DNAJC3: variants seen among roughly 807,000 people sequenced by gnomAD.
The protein encoded by DNAJC3 is DnaJ heat shock protein family (Hsp40) member C3, also known as dnaJ homolog subfamily C member 3.
Under a neutral mutation model 68.6 loss-of-function variants are expected in DNAJC3, and 38 were observed. That is an observed-to-expected ratio of 0.55 (90% CI 0.43 to 0.73). DNAJC3 has a LOEUF of 0.73. DNAJC3 is among the 30% of genes least tolerant of loss of function. The pLI is 0.00. For missense variants in DNAJC3, 526 were observed against 591.9 expected, an observed-to-expected ratio of 0.89 and a Z score of 1.16; for synonymous variants, 203 against 204.0, an observed-to-expected ratio of 1.00 and a Z score of 0.04.
intron 7 of DNAJC3, 31 bp from the exon 8 acceptor site, chr13:95,763,612 C>A (rs189084107): frequency 2.0e-5 from 32 of 1,599,984 alleles, no homozygotes; most frequent in South Asian, 4.4e-5. Flanking sequence ...CAAATGTCAT[C>A]ATTTCTTATC....
intron 4 of DNAJC3, among the ~76,000 whole-genome samples, chr13:95,739,557 G>A (rs9561945): frequency 0.068 from 10,309 of 151,406 alleles, 479 homozygotes; most frequent in East Asian, 0.18. Context: ...TTCCCTTCTC[G>A]CTTCATTTCA....
At chr13:95,763,458 TA>T (rs770559746) in intron 7 of DNAJC3, among the ~76,000 whole-genome samples, 184 bp from the exon 8 acceptor site, 34 of 152,344 alleles carry the variant, frequency 2.2e-4, no homozygotes, top group Middle Eastern at 3.4e-3. Context: ...TTTTATTTCC[TA>T]ACTCTTAATT....
At chr13:95,735,300 T>G in intron 4 of DNAJC3, among the ~76,000 whole-genome samples, 4 of 114,118 alleles carry the variant, frequency 3.5e-5, no homozygotes, top group South Asian at 3.6e-4. Context: ...TGTGTCTTTA[T>G]AGCAGCATGA....
chr13:95,767,852 GCTTTTTTTTTT>G (rs1372381008), intron 9 of DNAJC3, among the ~76,000 whole-genome samples: 381 of 151,058 alleles, frequency 2.5e-3, no homozygotes, highest in African/African-American at 8.7e-3. Flanking sequence ...ACCACACCTG[GCTTTTTTTTTT>G]CTTTTTTTTT....
intron 9 of DNAJC3, among the ~76,000 whole-genome samples, chr13:95,766,214 G>A (rs965428988): frequency 6.6e-6 from 1 of 152,152 alleles, no homozygotes; most frequent in African/African-American, 2.4e-5. Flanking sequence ...AGAATGAATA[G>A]GTTTAGGTTA....
chr13:95,740,124 GGGGGTC>G (rs1420628983), intron 4 of DNAJC3, among the ~76,000 whole-genome samples: 1 of 152,226 alleles, frequency 6.6e-6, no homozygotes, highest in Non-Finnish European at 1.5e-5. Context: ...TAGGCTGCTC[GGGGGTC>G]GGGGTCAGGG....
chr13:95,690,287 A>G (rs1880193835), intron 1 of DNAJC3, among the ~76,000 whole-genome samples: 1 of 152,028 alleles, frequency 6.6e-6, no homozygotes, highest in South Asian at 2.1e-4. Flanking sequence ...TGTTTCAGAG[A>G]GCACAGGGTT....
intron 4 of DNAJC3, among the ~76,000 whole-genome samples, chr13:95,752,869 A>G (rs997862568): frequency 1.3e-5 from 2 of 152,166 alleles, no homozygotes; most frequent in African/African-American, 4.8e-5. Flanking sequence ...AGCGTGGCAG[A>G]GAAATTTGGC....
intron 4 of DNAJC3, among the ~76,000 whole-genome samples, chr13:95,732,916 A>G (rs999188811): frequency 3.3e-5 from 5 of 151,712 alleles, no homozygotes; most frequent in Non-Finnish European, 1.5e-5. Flanking sequence ...TAATTTCTTG[A>G]CAGAGTTTTC....
chr13:95,751,196 C>T (rs1287309745), intron 4 of DNAJC3, among the ~76,000 whole-genome samples: 2 of 152,138 alleles, frequency 1.3e-5, no homozygotes, highest in African/African-American at 2.4e-5. Flanking sequence ...TGATCATGCT[C>T]CTGCACTCCA....
intron 4 of DNAJC3, among the ~76,000 whole-genome samples, chr13:95,734,442 C>G (rs1881822227): frequency 1.3e-5 from 2 of 152,142 alleles, no homozygotes; most frequent in African/African-American, 2.4e-5. Context: ...CTTCTGTTTT[C>G]AGAACTTTCT....
intron 4 of DNAJC3, among the ~76,000 whole-genome samples, chr13:95,753,609 A>G (rs1314726368): frequency 6.6e-6 from 1 of 152,214 alleles, no homozygotes; most frequent in Non-Finnish European, 1.5e-5. Context: ...GTCTAATTTT[A>G]TTTTGAATTC....
chr13:95,713,469 G>C (rs1881040023), intron 2 of DNAJC3, among the ~76,000 whole-genome samples: 1 of 152,122 alleles, frequency 6.6e-6, no homozygotes, highest in South Asian at 2.1e-4. Flanking sequence ...CACAAAAATA[G>C]TTATAAGAAA....
chr13:95,754,939 A>G (rs1000423878), intron 4 of DNAJC3, among the ~76,000 whole-genome samples: 1 of 152,194 alleles, frequency 6.6e-6, no homozygotes, highest in Non-Finnish European at 1.5e-5. Context: ...ACCAGGATAC[A>G]TAGTGAGAAG....
chr13:95,731,217 A>G (rs2139648536), intron 4 of DNAJC3, among the ~76,000 whole-genome samples: 1 of 152,308 alleles, frequency 6.6e-6, no homozygotes, highest in South Asian at 2.1e-4. Flanking sequence ...GGTTTTCTAA[A>G]TATAAGATCA....
intron 4 of DNAJC3, among the ~76,000 whole-genome samples, chr13:95,749,728 A>T (rs1882415590): frequency 6.6e-6 from 1 of 151,906 alleles, no homozygotes; most frequent in South Asian, 2.1e-4. Context: ...CAGCTATCTG[A>T]GTCACAGCAT....
In DNAJC3 at chr13:95,713,970, A is replaced by G. The variant is rs189149394; in HGVS notation, c.193+4633A>G. ...GTAGGGGTAGCTGGTACCTGTTGGG[A>G]TGTCAGGTGAAACATAAATAGTTGC... On this transcript the variant is annotated intron_variant, in intron 2 of 11. Coordinates refer to ENST00000602402, the MANE Select transcript of DNAJC3 (RefSeq NM_006260.5). Among the ~76,000 whole-genome samples the G allele has an allele frequency of 1.0e-3, 153 of 152,298 alleles. 1 individual carries two copies. The highest frequency in any genetic ancestry group is 1.6e-3 in the Admixed American group (25 of 15,304).
intron 4 of DNAJC3, among the ~76,000 whole-genome samples, chr13:95,742,311 T>C (rs1882170263): frequency 6.6e-6 from 1 of 151,966 alleles, no homozygotes; most frequent in African/African-American, 2.4e-5. Flanking sequence ...AACTGTGGGG[T>C]GGGCCCCAGG....
intron 9 of DNAJC3, among the ~76,000 whole-genome samples, chr13:95,774,027 G>T (rs1326921771): frequency 6.6e-6 from 1 of 152,188 alleles, no homozygotes; most frequent in Non-Finnish European, 1.5e-5. Flanking sequence ...GAGCCACGGT[G>T]CCTGGCCTTG....
Sources: allele counts gnomAD v4.1 joint callset (sites outside exome capture counted in the v4.1 genomes callset), GRCh38; gene constraint gnomAD v4.1.1; transcripts MANE v1.5; gene names NCBI Gene and HGNC (gene_info 2026-07-23, HGNC 2026-07-21).